The following LRRC7 variants were observed in gnomAD, a reference collection of about 807,000 sequenced individuals.
LRRC7 encodes the protein leucine-rich repeat-containing protein 7.
A neutral mutation model predicts 175.7 loss-of-function variants in LRRC7; 23 were observed. The observed-to-expected ratio is 0.13, with a 90% CI of 0.09 to 0.19. The LOEUF (loss-of-function observed/expected upper bound fraction) is 0.19, where lower values mean the gene tolerates loss of function less well. Among genes scored for constraint, LRRC7 ranks in the 10% least tolerant of loss-of-function variants. The probability of loss-of-function intolerance (pLI) is 1.00; values close to 1 mark genes in which losing one functional copy is unlikely to be tolerated. For synonymous variants in LRRC7, 685 were observed against 680.9 expected (o/e 1.01, Z -0.09); for missense variants, 1,354 against 1,904.7 (o/e 0.71, Z 5.38).
At position 69,811,198 on chromosome 1, in the gene LRRC7, C is replaced by T. The variant is rs569320221; in HGVS notation, c.422-14550C>T. Among the ~76,000 whole-genome samples, 300 of 151,990 alleles carry T rather than the reference C, an allele frequency of 2.0e-3. 1 individual carries two copies. Among genetic ancestry groups the T allele is most frequent in the Non-Finnish European group, 3.3e-3 (224 of 67,940 alleles). On this transcript the variant is annotated intron_variant, in intron 4 of 26. Transcript: ENST00000651989. ...TCATCATCACTGGTCATTAGAGAAA[C>T]GCAAATCAAAACCACAGTGAGATAC...
In LRRC7 at chr1:69,657,955, T is replaced by A. The variant is rs76630653; in HGVS notation, c.3-20426T>A. Among the ~76,000 whole-genome samples, 1,833 of 152,014 alleles carry A rather than the reference T, an allele frequency of 0.012. 135 individuals carry two copies. The East Asian group carries it at 0.22, about 18-fold the overall frequency. On this transcript the variant is annotated intron_variant, in intron 1 of 26. Transcript: ENST00000651989. ...CTTTTGGTTAAAATCCATATACTATTTTATTGATTCTTTCCAATGTATCTC... is the reference window on the plus strand; with the variant it reads ...CTTTTGGTTAAAATCCATATACTATATTATTGATTCTTTCCAATGTATCTC...
At chr1:69,868,905 ATATATGT>A (rs1487919180) in intron 7 of LRRC7, among the ~76,000 whole-genome samples, 8 of 121,992 alleles carry the variant, frequency 6.6e-5, no homozygotes, top group African/African-American at 2.0e-4. Context: ...ATATGTATGT[ATATATGT>A]ACATATGTAC....
intron 4 of LRRC7, among the ~76,000 whole-genome samples, chr1:69,821,326 G>A (rs1005151357): frequency 7.2e-5 from 11 of 151,860 alleles, no homozygotes; most frequent in Admixed American, 1.3e-4. Flanking sequence ...GGCTGTTTCC[G>A]ATTTAGCATT....
intron 2 of LRRC7, among the ~76,000 whole-genome samples, chr1:69,680,986 T>G (rs1660417868): frequency 6.6e-6 from 1 of 152,162 alleles, no homozygotes; most frequent in Non-Finnish European, 1.5e-5. Context: ...TATTGTTCTC[T>G]TATTTCAAAC....
chr1:69,954,177 T>G (rs939081295), intron 8 of LRRC7, among the ~76,000 whole-genome samples: 2 of 151,848 alleles, frequency 1.3e-5, no homozygotes, highest in Non-Finnish European at 2.9e-5. Context: ...GAGTTGGATT[T>G]GGATAGGTGG....
chr1:69,970,159 A>C (rs925886167), intron 8 of LRRC7, among the ~76,000 whole-genome samples: 4 of 152,156 alleles, frequency 2.6e-5, no homozygotes, highest in Admixed American at 2.6e-4. Context: ...CATACCCCTA[A>C]ACACCTTCAT....
rs896962232 is a variant in LRRC7 at position 70,127,211 on chromosome 1, G to T, written c.*5324G>T. ...TCTGCTTCTGTTTTTAAAATGTTGG[G>T]TTTTGCTGTGTTGAGGAACTTTCTC... On this transcript the variant is annotated 3_prime_UTR_variant, in exon 27 of 27. Transcript: ENST00000651989. Among the ~76,000 whole-genome samples, 12 of 152,100 alleles carry T rather than the reference G, an allele frequency of 7.9e-5. No homozygotes were observed. Among genetic ancestry groups the T allele is most frequent in the African/African-American group, 2.9e-4 (12 of 41,414 alleles).
At chr1:69,595,000 G>A (rs1479946934) in intron 1 of LRRC7, among the ~76,000 whole-genome samples, 1 of 149,848 alleles carries the variant, frequency 6.7e-6, no homozygotes, top group Admixed American at 6.7e-5. Context: ...CTAGTGTTTT[G>A]TAAAAATGAT....
intron 10 of LRRC7, among the ~76,000 whole-genome samples, chr1:69,987,396 CAT>C (rs147504978): frequency 0.015 from 2,298 of 152,230 alleles, 55 homozygotes; most frequent in African/African-American, 0.051. Context: ...AACTTTGTAA[CAT>C]AGATTTTAAC....
rs1212783396 is a variant in LRRC7, at chr1:70,133,463, C to T, written c.*11576C>T. Among the ~76,000 whole-genome samples the T allele has an allele frequency of 1.3e-5, 2 of 152,116 alleles. No individual in the cohort carries two copies. The highest frequency in any genetic ancestry group is 4.8e-5 in the African/African-American group (2 of 41,418). Reference sequence around the variant, plus strand: ...CTTGAACACCTGGGCTCTATCGATCCGACCGCCTCGGCCTCCCAAAGTGCT... The same window carrying T: ...CTTGAACACCTGGGCTCTATCGATCTGACCGCCTCGGCCTCCCAAAGTGCT... On this transcript the variant is annotated 3_prime_UTR_variant, in exon 27 of 27. Transcript: ENST00000651989.
intron 21 of LRRC7, among the ~76,000 whole-genome samples, 154 bp downstream of exon 21, chr1:70,039,947 A>G (rs1006995873): frequency 6.6e-6 from 1 of 152,224 alleles, no homozygotes; most frequent in Non-Finnish European, 1.5e-5. Flanking sequence ...ATGGATCATA[A>G]TAGTTTTTCA....
chr1:69,919,646 G>C, intron 7 of LRRC7: 1 of 873,556 alleles, frequency 1.1e-6, no homozygotes, highest in Non-Finnish European at 1.9e-6. Context: ...CAAGGCAGGA[G>C]AGAAGGACTT....
At chr1:69,854,913 TG>T (rs1322264719) in intron 7 of LRRC7, among the ~76,000 whole-genome samples, 2 of 152,184 alleles carry the variant, frequency 1.3e-5, no homozygotes, top group Admixed American at 6.5e-5. Context: ...GGGGGGGACC[TG>T]GGCTTTAGAG....
chr1:70,069,338 C>T (rs1010064761), intron 23 of LRRC7, among the ~76,000 whole-genome samples: 24 of 152,230 alleles, frequency 1.6e-4, no homozygotes, highest in Admixed American at 9.8e-4. Flanking sequence ...CTTATAAACC[C>T]ATCAGATCTC....
At chr1:69,900,691 A>G (rs1029480273) in intron 7 of LRRC7, among the ~76,000 whole-genome samples, 3 of 152,188 alleles carry the variant, frequency 2.0e-5, no homozygotes, top group South Asian at 4.1e-4. Context: ...AAATGCTCCA[A>G]TGAGCATTTC....
intron 25 of LRRC7, among the ~76,000 whole-genome samples, chr1:70,099,106 C>A (rs1170290947): frequency 6.9e-6 from 1 of 145,780 alleles, no homozygotes; most frequent in Non-Finnish European, 1.5e-5. Flanking sequence ...AGCAGCACAT[C>A]AAAAAGCTTA....
At chr1:69,805,558 GTTAT>G (rs1677020662) in intron 4 of LRRC7, among the ~76,000 whole-genome samples, 1 of 151,722 alleles carries the variant, frequency 6.6e-6, no homozygotes, top group Non-Finnish European at 1.5e-5. Context: ...CTGTTAATGA[GTTAT>G]TTATCTGAAA....
intron 7 of LRRC7, among the ~76,000 whole-genome samples, chr1:69,878,168 T>C (rs1398682217): frequency 6.6e-6 from 1 of 152,028 alleles, no homozygotes; most frequent in Non-Finnish European, 1.5e-5. Context: ...TTGTAAAGAT[T>C]GGACTTCCTG....
At chr1:69,671,817 C>T (rs903209040) in intron 1 of LRRC7, among the ~76,000 whole-genome samples, 13 of 152,228 alleles carry the variant, frequency 8.5e-5, no homozygotes, top group East Asian at 1.9e-4. Flanking sequence ...TGTCATGCAA[C>T]GGCTGCATTC....
Sources: gnomAD v4.1 joint callset for allele counts (sites outside exome capture counted in the v4.1 genomes callset) on GRCh38, gnomAD v4.1.1 for gene constraint, MANE v1.5 for transcripts, NCBI Gene and HGNC (gene_info 2026-07-23, HGNC 2026-07-21) for gene names.